WNT16: variants seen among roughly 807,000 people sequenced by gnomAD.
WNT16 encodes the protein protein Wnt-16.
In WNT16, 20 loss-of-function variants were observed where a neutral mutation model predicts 35.4. That is an observed-to-expected ratio of 0.56 (90% CI 0.40 to 0.82). The LOEUF is 0.82. Ranked by LOEUF, WNT16 falls within the 40% of genes least tolerant of loss-of-function variation. WNT16 has a pLI of 0.00. For missense variants in WNT16, 461 were observed against 466.0 expected (o/e 0.99, Z 0.10); for synonymous variants, 180 against 179.2 (o/e 1.00, Z -0.03).
At chr7:121,328,768 C>T (rs924714443), upstream of WNT16, among the ~76,000 whole-genome samples, 13 of 152,192 alleles carry the variant, frequency 8.5e-5, no homozygotes, top group African/African-American at 3.1e-4. Flanking sequence ...CACAACGACC[C>T]GTTCTAAGGA....
At chr7:121,325,579 A>C (rs985283258), upstream of WNT16, 4 of 1,245,840 alleles carry the variant, frequency 3.2e-6, no homozygotes, top group African/African-American at 6.1e-5. Flanking sequence ...CACCAGTAAA[A>C]AATTTTGACC....
At chr7:121,326,515 A>C (rs1434848220), upstream of WNT16, among the ~76,000 whole-genome samples, 1 of 152,166 alleles carries the variant, frequency 6.6e-6, no homozygotes. Flanking sequence ...TGCACCCCAA[A>C]GGCTTTATCT....
chr7:121,337,504 G>T (rs1793462782), intron 3 of WNT16, among the ~76,000 whole-genome samples: 3 of 152,094 alleles, frequency 2.0e-5, no homozygotes, highest in African/African-American at 7.2e-5. Context: ...CCTTTCTTTG[G>T]TGAGATTACA....
chr7:121,335,975 A>G (rs1793438939), intron 3 of WNT16, among the ~76,000 whole-genome samples: 1 of 147,430 alleles, frequency 6.8e-6, no homozygotes, highest in Non-Finnish European at 1.5e-5. Context: ...CTAATTCTGT[A>G]GAATTAAACT....
chr7:121,329,046 C>G lies in WNT16; in HGVS notation c.-247C>G. The stretch of plus-strand genomic sequence containing the variant: ...AATGCGAGGGGCGCTCCCGCATCTC[C>G]TGCACATCTCCACCCCTGCGCAGGA... On this transcript the variant is annotated 5_prime_UTR_variant, in exon 1 of 4. Transcript: ENST00000222462. 1 of 1,248,100 alleles carries G rather than the reference C, an allele frequency of 8.0e-7. No individual in the cohort carries two copies. Among genetic ancestry groups the G allele is most frequent in the Non-Finnish European group, 1.0e-6 (1 of 995,682 alleles). The allele number at this position is 1,248,100 out of a possible 1,614,324, so 77.3% of individuals were successfully genotyped here. A position where few individuals can be genotyped will look rare whatever the true frequency, so the allele number is the denominator to read the frequency against.
rs533305922 is a variant in WNT16, at chr7:121,339,530, A to G, written c.*185A>G. 2 of 555,386 alleles carry G rather than the reference A, an allele frequency of 3.6e-6. No individual in the cohort carries two copies. Among genetic ancestry groups the G allele is most frequent in the East Asian group, 5.6e-5 (2 of 35,890 alleles). 34.4% of individuals were successfully genotyped at this position (555,386 alleles called of 1,614,324 possible). ...CCTTTATCTGATCAACCCATCAATC[A>G]TGTGGATTTCTTGGGATTCTAATGT... On this transcript the variant is annotated 3_prime_UTR_variant, in exon 4 of 4. Coordinates refer to ENST00000222462, the MANE Select transcript of WNT16 (RefSeq NM_057168.2).
intron 3 of WNT16, among the ~76,000 whole-genome samples, chr7:121,337,664 G>A (rs1459545664): frequency 1.3e-5 from 2 of 152,082 alleles, no homozygotes; most frequent in Non-Finnish European, 2.9e-5. Context: ...TGGCTAGCCT[G>A]GTATGTAAGA....
upstream of WNT16, among the ~76,000 whole-genome samples, chr7:121,328,484 C>T (rs1211444005): frequency 2.0e-5 from 3 of 152,122 alleles, no homozygotes; most frequent in East Asian, 5.8e-4. Flanking sequence ...TGATTGTAAG[C>T]CTGACAGCAC....
rs1793499846 is a variant in WNT16, at chr7:121,339,510, AT to A, written c.*166del. On this transcript the variant is annotated 3_prime_UTR_variant, in exon 4 of 4. Transcript: ENST00000222462. ...TTACCTGATCGACATATTTTCCTTT[AT>A]CTGATCAACCCATCAATCATGTGGA... is the stretch of plus-strand genomic sequence containing the variant. 1.6e-6 allele frequency: 1 copy of A among 610,786 alleles called. No individual in the cohort carries two copies. The highest frequency in any genetic ancestry group is 1.8e-5 in the African/African-American group (1 of 54,142). 37.8% of individuals were successfully genotyped at this position (610,786 alleles called of 1,614,324 possible). A position where few individuals can be genotyped will look rare whatever the true frequency, so the allele number is the denominator to read the frequency against.
At position 121,340,436 on chromosome 7, in the gene WNT16, G is replaced by A. The variant is rs564571031; in HGVS notation, c.*1091G>A. ...TATTAATGCTATTTTTTTGGACATCGAAGAGAATTTAACTTAGCAGTTAGT... is the reference window on the plus strand; with the variant it reads ...TATTAATGCTATTTTTTTGGACATCAAAGAGAATTTAACTTAGCAGTTAGT... On this transcript the variant is annotated 3_prime_UTR_variant, in exon 4 of 4. Transcript: ENST00000222462. 106 of 151,716 alleles carry A rather than the reference G, an allele frequency of 7.0e-4. No homozygotes were observed. Among genetic ancestry groups the A allele is most frequent in the African/African-American group, 2.2e-3 (92 of 41,366 alleles). 9.4% of individuals were successfully genotyped at this position (151,716 alleles called of 1,614,324 possible).
intron 2 of WNT16, 28 bp downstream of exon 2, chr7:121,329,845 G>C: frequency 6.3e-7 from 1 of 1,591,630 alleles, no homozygotes; most frequent in Non-Finnish European, 8.5e-7. Context: ...AGGGGTTGGT[G>C]GGGGACGGAA....
chr7:121,334,964 T>A (rs1793416787), intron 3 of WNT16, among the ~76,000 whole-genome samples: 1 of 152,156 alleles, frequency 6.6e-6, no homozygotes, highest in African/African-American at 2.4e-5. Flanking sequence ...CAAATTTTCA[T>A]TGACCTATTC....
At position 121,329,290 on chromosome 7, in the gene WNT16, G is replaced by T; in HGVS notation, c.-3G>T. On this transcript the variant is annotated 5_prime_UTR_variant, in exon 1 of 4. Transcript: ENST00000222462. Reference sequence around the variant, plus strand: ...CTGGGCTGGGGGACTCCATGCGGGGGCGATGGACAGGGCGGCGCTCCTGGG... The same window carrying T: ...CTGGGCTGGGGGACTCCATGCGGGGTCGATGGACAGGGCGGCGCTCCTGGG... 3 of 1,563,460 alleles carry T rather than the reference G, an allele frequency of 1.9e-6. No homozygotes were observed. The highest frequency in any genetic ancestry group is 2.6e-6 in the Non-Finnish European group (3 of 1,154,578).
Position 121,331,934 on chromosome 7 carries a change from G to A in WNT16, c.603G>A (p.Met201Ile), listed in dbSNP as rs1793356763. 1 of 1,614,028 alleles carries A rather than the reference G, an allele frequency of 6.2e-7. No individual in the cohort carries two copies. Among genetic ancestry groups the A allele is most frequent in the Admixed American group, 1.7e-5 (1 of 59,998 alleles). The change falls in exon 3 of 4, where the codon ATG (methionine) becomes ATA (isoleucine). Residue 201 changes from methionine to isoleucine, a missense_variant. Transcript: ENST00000222462. ...TGKENKVLLA[M>I]NLHNNEAGRQ... The stretch of plus-strand genomic sequence containing the variant: ...AAGAAAACAAAGTACTATTAGCAAT[G>A]AACCTACATAACAATGAAGCTGGAA...
intron 3 of WNT16, among the ~76,000 whole-genome samples, chr7:121,332,931 A>G (rs1793377178): frequency 6.6e-6 from 1 of 152,182 alleles, no homozygotes; most frequent in Non-Finnish European, 1.5e-5. Flanking sequence ...TGACTTATAC[A>G]TATTCACATT....
intron 3 of WNT16, among the ~76,000 whole-genome samples, chr7:121,337,448 T>C (rs112300938): frequency 0.011 from 1,748 of 152,376 alleles, 13 homozygotes; most frequent in Middle Eastern, 0.041. Context: ...TGTCATTTTA[T>C]TGTTTTCATA....
upstream of WNT16, among the ~76,000 whole-genome samples, chr7:121,328,754 A>G (rs1314160456): frequency 6.6e-6 from 1 of 152,054 alleles, no homozygotes; most frequent in Non-Finnish European, 1.5e-5. Flanking sequence ...GGTTGAATCA[A>G]CCCCACAACG....
intron 3 of WNT16, among the ~76,000 whole-genome samples, chr7:121,335,231 C>T (rs545180373): frequency 6.6e-6 from 1 of 152,070 alleles, no homozygotes; most frequent in Non-Finnish European, 1.5e-5. Context: ...TACTGAAAAA[C>T]AATCGCCAAC....
Position 121,339,454 on chromosome 7 carries a change from A to G in WNT16, c.*109A>G, listed in dbSNP as rs1793498841. On this transcript the variant is annotated 3_prime_UTR_variant, in exon 4 of 4. Transcript: ENST00000222462. ...TAGTAAAGTTGACTCTTGCAGTGGA[A>G]TCCCTAGAACCTTGGACCTGAGAGT... The G allele has an allele frequency of 2.0e-6, 2 of 1,019,466 alleles. No homozygotes were observed. The allele number at this position is 1,019,466 out of a possible 1,614,324, so 63.2% of individuals were successfully genotyped here. A position where few individuals can be genotyped will look rare whatever the true frequency, so the allele number is the denominator to read the frequency against.
Sources: gnomAD v4.1 joint callset for allele counts (sites outside exome capture counted in the v4.1 genomes callset) on GRCh38, gnomAD v4.1.1 for gene constraint, MANE v1.5 for transcripts, NCBI Gene and HGNC (gene_info 2026-07-23, HGNC 2026-07-21) for gene names.